FOXN3: variants seen among roughly 807,000 people sequenced by gnomAD.
FOXN3 encodes the protein forkhead box protein N3.
A neutral mutation model predicts 38.4 loss-of-function variants in FOXN3; 7 were observed. The observed-to-expected ratio is 0.18, with a 90% CI of 0.10 to 0.34. The LOEUF (loss-of-function observed/expected upper bound fraction) is 0.34, where lower values mean the gene tolerates loss of function less well. Ranked by LOEUF, FOXN3 falls within the 10% of genes least tolerant of loss-of-function variation. The pLI, the probability that FOXN3 is intolerant of heterozygous loss-of-function variation, is 1.00. For missense variants in FOXN3, 456 were observed against 613.4 expected, an observed-to-expected ratio of 0.74 and a Z score of 2.71; for synonymous variants, 230 against 242.2, an observed-to-expected ratio of 0.95 and a Z score of 0.47.
chr14:89,345,616 CT>C (rs1354085414), intron 3 of FOXN3, among the ~76,000 whole-genome samples: 1 of 152,146 alleles, frequency 6.6e-6, no homozygotes, highest in Non-Finnish European at 1.5e-5. Context: ...CTTAATCCCC[CT>C]CCCAACCTTC....
In FOXN3 at chr14:89,161,591, G is replaced by GTA. The variant is rs1887104543; in HGVS notation, c.*822_*823insTA. On this transcript the variant is annotated 3_prime_UTR_variant, in exon 6 of 6. Transcript: ENST00000557258. ...TGTGTGTGTGTGTGTGTGTGTGTGT[G>GTA]TGTGTGCGTGCGTGCACAGGGCCAA... 3 of 141,502 alleles carry GTA rather than the reference G, an allele frequency of 2.1e-5. No homozygotes were observed. Among genetic ancestry groups the GTA allele is most frequent in the Non-Finnish European group, 4.8e-5 (3 of 63,018 alleles). The allele number at this position is 141,502 out of a possible 1,614,324, so 8.8% of individuals were successfully genotyped here.
At chr14:89,582,846 A>T (rs969242016) in intron 1 of FOXN3, among the ~76,000 whole-genome samples, 1 of 151,984 alleles carries the variant, frequency 6.6e-6, no homozygotes, top group African/African-American at 2.4e-5. Flanking sequence ...ATTTTCTATA[A>T]CTGTATACAT....
intron 1 of FOXN3, among the ~76,000 whole-genome samples, chr14:89,470,530 A>G (rs1893072310): frequency 6.6e-6 from 1 of 152,252 alleles, no homozygotes; most frequent in African/African-American, 2.4e-5. Context: ...ACACAAAACC[A>G]GCAATCTACT....
intron 1 of FOXN3, among the ~76,000 whole-genome samples, chr14:89,502,114 G>A (rs1297913736): frequency 5.3e-5 from 8 of 152,198 alleles, no homozygotes; most frequent in Admixed American, 5.2e-4. Flanking sequence ...GTTGCAGTGA[G>A]CCTAGATCCC....
intron 2 of FOXN3, among the ~76,000 whole-genome samples, chr14:89,372,978 C>T (rs918038694): frequency 2.6e-5 from 4 of 152,062 alleles, no homozygotes; most frequent in African/African-American, 9.7e-5. Flanking sequence ...CCAGCCTGAG[C>T]AACATAGGAA....
rs547191917 is a variant in FOXN3 at position 89,164,595 on chromosome 14, C to T, written c.852-1626G>A. On this transcript the variant is annotated intron_variant, in intron 5 of 5. Transcript: ENST00000557258. This position sits in a 1 kb window ranked among gnomAD's most constrained non-coding sequence, Gnocchi z 4.3. ...TTACTGCTAGGCCCCCAGTGGCTAT[C>T]GCCGTGTCAGCACGGTGGACACAGC... Among the ~76,000 whole-genome samples the T allele has an allele frequency of 6.6e-6, 1 of 152,150 alleles. No individual in the cohort carries two copies. Among genetic ancestry groups the T allele is most frequent in the East Asian group, 1.9e-4 (1 of 5,180 alleles).
In FOXN3 at chr14:89,569,771, C is replaced by T. The variant is rs531888053; in HGVS notation, c.-15+49257G>A. Among the ~76,000 whole-genome samples the T allele has an allele frequency of 1.1e-4, 17 of 152,278 alleles. No individual in the cohort carries two copies. The East Asian group carries it at 3.1e-3, about 28-fold the overall frequency. ...ATCTATACATCTGTGGCCTCAGATC[C>T]GTGCCTGCCAAAGGGCACCATCATC... On this transcript the variant is annotated intron_variant, in intron 1 of 6. Transcript: ENST00000345097.
chr14:89,513,653 G>A (rs1045045865), intron 1 of FOXN3, among the ~76,000 whole-genome samples: 1 of 152,194 alleles, frequency 6.6e-6, no homozygotes, highest in South Asian at 2.1e-4. Context: ...GGAGTGCAAT[G>A]GCACGATCTC....
chr14:89,375,057 A>G (rs1890435611), intron 2 of FOXN3, among the ~76,000 whole-genome samples: 1 of 152,132 alleles, frequency 6.6e-6, no homozygotes, highest in African/African-American at 2.4e-5. Context: ...CAGGGACAGA[A>G]AGTGGTCACA....
At chr14:89,185,559 C>T (rs1289071244) in intron 4 of FOXN3, 2 of 152,266 alleles carry the variant, frequency 1.3e-5, no homozygotes, top group African/African-American at 4.8e-5. Flanking sequence ...AGTGCACTGG[C>T]CTCCAGCTAT....
At chr14:89,389,559 T>C (rs1299256711) in intron 2 of FOXN3, among the ~76,000 whole-genome samples, 1 of 152,236 alleles carries the variant, frequency 6.6e-6, no homozygotes, top group African/African-American at 2.4e-5. Flanking sequence ...GTCACTTTCA[T>C]TTTAATAAAA....
chr14:89,579,880 C>T (rs1895711525), intron 1 of FOXN3, among the ~76,000 whole-genome samples: 1 of 152,004 alleles, frequency 6.6e-6, no homozygotes, highest in Non-Finnish European at 1.5e-5. Context: ...GAAGGAACCC[C>T]GACTCTCTCA....
Position 89,230,672 on chromosome 14 carries a change from G to C in FOXN3, c.746-49866C>G, listed in dbSNP as rs994306763. 1.6e-5 allele frequency: 4 copies of C among 243,258 alleles called. No homozygotes were observed. In the Admixed American group the frequency reaches 1.8e-4, roughly 11 times the overall value. The allele number at this position is 243,258 out of a possible 1,614,324, so 15.1% of individuals were successfully genotyped here. ...CAGAGTTCCACAAGGGCAAAGATTT[G>C]TGTCTGTTTCCTTCACTGATGAATC... On this transcript the variant is annotated intron_variant, in intron 4 of 5. Transcript: ENST00000557258.
chr14:89,542,005 G>A (rs79481192), intron 1 of FOXN3, among the ~76,000 whole-genome samples: 1,960 of 152,148 alleles, frequency 0.013, 61 homozygotes, highest in East Asian at 0.12. Flanking sequence ...TGGATCTCGC[G>A]TAAGAAAGAA....
intron 1 of FOXN3, among the ~76,000 whole-genome samples, chr14:89,585,334 A>G (rs1466909896): frequency 2.6e-5 from 4 of 152,228 alleles, no homozygotes; most frequent in Non-Finnish European, 4.4e-5. Context: ...CCAAGCTGCC[A>G]GAAATGTCTT....
chr14:89,188,932 G>C (rs1048003347), intron 4 of FOXN3, among the ~76,000 whole-genome samples: 4 of 152,080 alleles, frequency 2.6e-5, no homozygotes, highest in African/African-American at 7.2e-5. Flanking sequence ...GCTAGTTATA[G>C]AGCTAGGCCA....
chr14:89,575,719 G>C (rs552913932), intron 1 of FOXN3, among the ~76,000 whole-genome samples: 115 of 152,222 alleles, frequency 7.6e-4, no homozygotes, highest in Non-Finnish European at 1.4e-3. Flanking sequence ...TCCCAAATCA[G>C]AGGATACCGA....
chr14:89,257,946 T>C (rs1462683384), intron 4 of FOXN3, among the ~76,000 whole-genome samples: 1 of 152,184 alleles, frequency 6.6e-6, no homozygotes, highest in African/African-American at 2.4e-5. Context: ...TGAGCATTTT[T>C]ACCAAGGCTT....
At chr14:89,325,507 G>C (rs1566957007) in intron 3 of FOXN3, among the ~76,000 whole-genome samples, 3 of 152,184 alleles carry the variant, frequency 2.0e-5, no homozygotes, top group African/African-American at 7.2e-5. Flanking sequence ...GCAAGAGTAA[G>C]AGGTGAAACA....
Sources: allele counts gnomAD v4.1 joint callset (sites outside exome capture counted in the v4.1 genomes callset), GRCh38; gene constraint gnomAD v4.1.1; non-coding constraint Gnocchi (gnomAD v3.1); transcripts MANE v1.5; gene names NCBI Gene and HGNC (gene_info 2026-07-23, HGNC 2026-07-21).